PPM1L: variants seen among roughly 807,000 people sequenced by gnomAD.
PPM1L encodes protein phosphatase 1L.
PPM1L carries 13 observed loss-of-function variants against 31.4 expected under a neutral mutation model. That is an observed-to-expected ratio of 0.41 (90% CI 0.27 to 0.66). The LOEUF is 0.66. Ranked by LOEUF, PPM1L falls within the 30% of genes least tolerant of loss-of-function variation. PPM1L has a pLI of 0.29. For missense variants in PPM1L, 326 were observed against 453.7 expected (o/e 0.72, Z 2.56); for synonymous variants, 184 against 175.4 (o/e 1.05, Z -0.39).
chr3:160,937,355 T>C (rs1715005997), intron 1 of PPM1L, among the ~76,000 whole-genome samples: 1 of 152,198 alleles, frequency 6.6e-6, no homozygotes, highest in African/African-American at 2.4e-5. Flanking sequence ...GCGTGGTGGC[T>C]CACGCCTGTA....
At chr3:160,955,488 C>T (rs2108102415) in intron 1 of PPM1L, among the ~76,000 whole-genome samples, 1 of 151,992 alleles carries the variant, frequency 6.6e-6, no homozygotes, top group East Asian at 1.9e-4. Context: ...CGTATTTTTG[C>T]ATTACTTTGT....
chr3:161,014,697 C>T (rs1210229198), intron 2 of PPM1L, among the ~76,000 whole-genome samples: 3 of 152,134 alleles, frequency 2.0e-5, no homozygotes, highest in Non-Finnish European at 2.9e-5. Context: ...GTCTCAAACT[C>T]CTGACCTCAT....
chr3:160,839,275 T>G (rs13080397), intron 1 of PPM1L, among the ~76,000 whole-genome samples: 58,995 of 152,146 alleles, frequency 0.39, 12,327 homozygotes, highest in East Asian at 0.6. Context: ...TTTACTTAGA[T>G]TATATGACGT....
chr3:160,839,025 A>G (rs138502290), intron 1 of PPM1L, among the ~76,000 whole-genome samples: 193 of 152,000 alleles, frequency 1.3e-3, no homozygotes, highest in Admixed American at 3.7e-3. Flanking sequence ...GAAGAGGAAG[A>G]CAGACCTACA....
At chr3:160,829,959 G>T (rs2108096763) in intron 1 of PPM1L, among the ~76,000 whole-genome samples, 1 of 152,246 alleles carries the variant, frequency 6.6e-6, no homozygotes, top group East Asian at 1.9e-4. Context: ...GTACAGCCTG[G>T]CAGCTGCGTC....
chr3:160,815,139 G>C (rs1158909458), intron 1 of PPM1L, among the ~76,000 whole-genome samples: 1 of 151,890 alleles, frequency 6.6e-6, no homozygotes, highest in Non-Finnish European at 1.5e-5. Context: ...AATACCACCT[G>C]TTCCCCAAAA....
At chr3:160,982,957 A>G (rs1000920232) in intron 2 of PPM1L, among the ~76,000 whole-genome samples, 1 of 152,204 alleles carries the variant, frequency 6.6e-6, no homozygotes, top group South Asian at 2.1e-4. Context: ...TTTTTTAAAG[A>G]ACTCATATTT....
chr3:160,933,806 C>A (rs1342749707), intron 1 of PPM1L, among the ~76,000 whole-genome samples: 1 of 151,984 alleles, frequency 6.6e-6, no homozygotes. Flanking sequence ...GAATGAATGA[C>A]TCAATCTGAT....
chr3:160,926,841 TG>T (rs1413442052), intron 1 of PPM1L, among the ~76,000 whole-genome samples: 1 of 152,178 alleles, frequency 6.6e-6, no homozygotes, highest in African/African-American at 2.4e-5. Context: ...CTGACTTGCT[TG>T]GGTTATTGGA....
chr3:160,997,996 A>G (rs1488563664), intron 2 of PPM1L, among the ~76,000 whole-genome samples: 1 of 152,186 alleles, frequency 6.6e-6, no homozygotes, highest in Non-Finnish European at 1.5e-5. Flanking sequence ...GTTTGAGGAA[A>G]ATTTTCAGAA....
intron 1 of PPM1L, among the ~76,000 whole-genome samples, chr3:160,874,240 G>A (rs1372263742): frequency 2.0e-5 from 3 of 152,176 alleles, no homozygotes; most frequent in Admixed American, 6.5e-5. Context: ...TGCAGAGACA[G>A]TTTATTCTTT....
intron 2 of PPM1L, among the ~76,000 whole-genome samples, chr3:161,037,581 AT>A (rs58432151): frequency 0.38 from 46,003 of 119,592 alleles, 8,769 homozygotes; most frequent in East Asian, 0.62. Context: ...TGCCCGGCTA[AT>A]TTTTTTTTTT....
At chr3:160,854,258 T>C (rs148335577) in intron 1 of PPM1L, among the ~76,000 whole-genome samples, 65 of 152,354 alleles carry the variant, frequency 4.3e-4, no homozygotes, top group African/African-American at 1.5e-3. Context: ...AGAAAACTTA[T>C]CTTGAAGGAG....
intron 2 of PPM1L, among the ~76,000 whole-genome samples, chr3:161,043,689 A>G (rs1430756248): frequency 1.3e-5 from 2 of 152,222 alleles, no homozygotes; most frequent in Non-Finnish European, 2.9e-5. Flanking sequence ...AAAATAAGTA[A>G]TATAATTCAG....
At chr3:160,979,312 G>A (rs1238245207) in intron 2 of PPM1L, among the ~76,000 whole-genome samples, 1 of 151,948 alleles carries the variant, frequency 6.6e-6, no homozygotes, top group Non-Finnish European at 1.5e-5. Flanking sequence ...CAGGGCACAA[G>A]GTGGAAACCC....
chr3:160,903,202 G>T (rs1576702141), intron 1 of PPM1L, among the ~76,000 whole-genome samples: 1 of 83,010 alleles, frequency 1.2e-5, no homozygotes, highest in Non-Finnish European at 2.5e-5. Context: ...TGGTATGTGT[G>T]TATGTTTGTG....
At chr3:160,849,582 G>A (rs371896249) in intron 1 of PPM1L, among the ~76,000 whole-genome samples, 4 of 151,464 alleles carry the variant, frequency 2.6e-5, no homozygotes, top group African/African-American at 7.3e-5. Context: ...CACCACGCCC[G>A]GCTAATTTTT....
At chr3:160,850,586 A>G (rs916708558) in intron 1 of PPM1L, among the ~76,000 whole-genome samples, 2 of 152,178 alleles carry the variant, frequency 1.3e-5, no homozygotes, top group African/African-American at 2.4e-5. Flanking sequence ...ACCAGCCCCC[A>G]TCCTGAGGCT....
At chr3:160,835,090 T>TTCTTC (rs1553810715) in intron 1 of PPM1L, among the ~76,000 whole-genome samples, 10 of 144,828 alleles carry the variant, frequency 6.9e-5, no homozygotes, top group African/African-American at 2.7e-4. Flanking sequence ...TTCTTCTTTC[T>TTCTTC]TTTTTCTTTC....
Sources: allele counts gnomAD v4.1 joint callset (sites outside exome capture counted in the v4.1 genomes callset), GRCh38; gene constraint gnomAD v4.1.1; transcripts MANE v1.5; gene names NCBI Gene and HGNC (gene_info 2026-07-23, HGNC 2026-07-21).